ERICH3: variants seen among roughly 807,000 people sequenced by gnomAD.
ERICH3 encodes glutamate-rich protein 3.
ERICH3 carries 126 observed loss-of-function variants against 131.1 expected under a neutral mutation model. That is an observed-to-expected ratio of 0.96 (90% CI 0.83 to 1.11). The LOEUF (loss-of-function observed/expected upper bound fraction) is 1.11. ERICH3 is among the 50% of genes most tolerant of loss of function. ERICH3 has a pLI of 0.00. For missense variants in ERICH3, 2,050 were observed against 1,810.7 expected, an observed-to-expected ratio of 1.13 and a Z score of -2.40; for synonymous variants, 695 against 644.6, an observed-to-expected ratio of 1.08 and a Z score of -1.18.
At chr1:74,627,833 T>C (rs541253145) in intron 7 of ERICH3, among the ~76,000 whole-genome samples, 3 of 152,236 alleles carry the variant, frequency 2.0e-5, no homozygotes, top group South Asian at 2.1e-4. Flanking sequence ...AAAATGTATG[T>C]TATGAATGCA....
intron 1 of ERICH3, among the ~76,000 whole-genome samples, chr1:74,652,052 G>C (rs1442915834): frequency 1.3e-5 from 2 of 152,096 alleles, no homozygotes; most frequent in African/African-American, 4.8e-5. Context: ...TCTTGCTTGG[G>C]ATACCACTTG....
At chr1:74,661,503 A>G (rs1383413759) in intron 1 of ERICH3, among the ~76,000 whole-genome samples, 2 of 152,184 alleles carry the variant, frequency 1.3e-5, no homozygotes, top group East Asian at 3.9e-4. Flanking sequence ...GAATCTAAGA[A>G]GAGGTTGTCC....
rs1371285887 is a variant in ERICH3 at position 74,591,889 on chromosome 1, C to T, written c.1727-1809G>A. The T allele has an allele frequency of 4.6e-5, 7 of 152,162 alleles. No individual in the cohort carries two copies. In the East Asian group the frequency reaches 1.4e-3, roughly 29 times the overall value. 9.4% of individuals were successfully genotyped at this position (152,162 alleles called of 1,614,324 possible). On this transcript the variant is annotated intron_variant, in intron 11 of 14. Transcript: ENST00000326665. ...CTATTTTTTTGTTTTCTCTGTACTC[C>T]TTACTCTTTTTTTTGTTTCTTTATT...
rs563833222 is a variant in ERICH3 at position 74,636,723 on chromosome 1, C to T, written c.445-285G>A. Among the ~76,000 whole-genome samples, 17 of 152,310 alleles carry T rather than the reference C, an allele frequency of 1.1e-4. No individual in the cohort carries two copies. The South Asian group carries it at 3.5e-3, about 32-fold the overall frequency. On this transcript the variant is annotated intron_variant, in intron 5 of 14. Coordinates refer to ENST00000326665, the MANE Select transcript of ERICH3 (RefSeq NM_001002912.5). ...CCTGTATTTTCATTCATACTGCAAA[C>T]TTGCTGACAATAACTAATTTATGCT...
rs755547640 is a variant in ERICH3 at position 74,649,245 on chromosome 1, G to A, written c.94C>T (p.Arg32Cys). ...AGYFNNTRIRRHLLRSGLITR... is the reference protein window; with the variant it reads ...AGYFNNTRIRCHLLRSGLITR... ...ACCAGTCCTGATCTTAAGAGATGAC[G>A]CCTTATCCTTGTATTGTTAAAATAC... is the stretch of plus-strand genomic sequence containing the variant. Residue 32 changes from arginine (R) to cysteine (C), a missense_variant, in exon 2 of 15, where the codon CGT (arginine) becomes TGT (cysteine). Arg to Cys is a radical substitution (Grantham distance 180, BLOSUM62 -3). Transcript: ENST00000326665. The A allele has an allele frequency of 1.3e-5, 21 of 1,611,526 alleles. No individual in the cohort carries two copies. Among genetic ancestry groups the A allele is most frequent in the South Asian group, 5.5e-5 (5 of 90,840 alleles).
intron 7 of ERICH3, among the ~76,000 whole-genome samples, chr1:74,626,716 G>T (rs1180018428): frequency 6.6e-6 from 1 of 152,156 alleles, no homozygotes; most frequent in Admixed American, 6.6e-5. Context: ...AGTGCAAAAT[G>T]TAACTAGCCT....
intron 1 of ERICH3, among the ~76,000 whole-genome samples, chr1:74,650,432 A>C (rs538789192): frequency 6.6e-6 from 1 of 152,312 alleles, no homozygotes; most frequent in South Asian, 2.1e-4. Context: ...TACATGGTGC[A>C]TGCACATATA....
chr1:74,579,631 A>T lies in ERICH3; in HGVS notation c.2177-2695T>A, dbSNP rs186365249. On this transcript the variant is annotated intron_variant, in intron 12 of 14. Coordinates refer to ENST00000326665, the MANE Select transcript of ERICH3 (RefSeq NM_001002912.5). ...GCTTCACTTGGTCGTTTTTTCTCAGATGTTCTTCTGAAACTGAAACTTAAA... is the reference window on the plus strand; with the variant it reads ...GCTTCACTTGGTCGTTTTTTCTCAGTTGTTCTTCTGAAACTGAAACTTAAA... 9.1e-6 allele frequency: 9 copies of T among 985,384 alleles called. No homozygotes were observed. In the East Asian group the frequency reaches 5.7e-4, roughly 62 times the overall value. 61.0% of individuals were successfully genotyped at this position (985,384 alleles called of 1,614,324 possible).
chr1:74,650,202 A>T (rs1191283444), intron 1 of ERICH3, among the ~76,000 whole-genome samples: 1 of 152,182 alleles, frequency 6.6e-6, no homozygotes, highest in Non-Finnish European at 1.5e-5. Flanking sequence ...TTAATTTCAC[A>T]TCCAGCACCA....
At position 74,571,487 on chromosome 1, in the gene ERICH3, A is replaced by G; in HGVS notation, c.4223T>C (p.Leu1408Ser). The change falls in exon 14 of 15, where the codon TTA (leucine) becomes TCA (serine). Residue 1408 changes from leucine (L) to serine (S), a missense_variant. Transcript: ENST00000326665. ...AAAGKVVVEE[L>S]ARSGEEVPAA... is the part of the protein sequence containing the mutation. ...TGGCACTTCCTCCCCACTCCGTGCT[A>G]ATTCCTCTACCACCACCTTCCCTGC... 6.2e-7 allele frequency: 1 copy of G among 1,613,814 alleles called. No homozygotes were observed. Among genetic ancestry groups the G allele is most frequent in the Non-Finnish European group, 8.5e-7 (1 of 1,179,956 alleles).
At chr1:74,579,943 A>T (rs1460861552) in intron 12 of ERICH3, 1 of 930,722 alleles carries the variant, frequency 1.1e-6, no homozygotes, top group African/African-American at 1.8e-5. Flanking sequence ...TGATATAATG[A>T]TACTTTAAGG....
At chr1:74,670,525 A>G (rs1646731652) in intron 1 of ERICH3, among the ~76,000 whole-genome samples, 1 of 152,198 alleles carries the variant, frequency 6.6e-6, no homozygotes, top group Non-Finnish European at 1.5e-5. Context: ...TTTCATGAAC[A>G]TTTATCAGTT....
At chr1:74,590,696 G>A (rs1647551150) in intron 11 of ERICH3, among the ~76,000 whole-genome samples, 1 of 152,162 alleles carries the variant, frequency 6.6e-6, no homozygotes, top group African/African-American at 2.4e-5. Flanking sequence ...ACCTCCTGCT[G>A]TGCAGCCTGG....
intron 3 of ERICH3, 41 bp from the exon 4 acceptor site, chr1:74,643,139 T>G: frequency 6.6e-7 from 1 of 1,508,804 alleles, no homozygotes; most frequent in Non-Finnish European, 9.1e-7. Flanking sequence ...ATCATATCAG[T>G]TATAGCAAAG....
chr1:74,581,414 C>T lies in ERICH3; in HGVS notation c.2177-4478G>A, dbSNP rs540622033. Among the ~76,000 whole-genome samples the T allele has an allele frequency of 1.6e-3, 245 of 152,098 alleles. 5 individuals are homozygous for T. The highest frequency in any genetic ancestry group is 1.7e-3 in the Non-Finnish European group (114 of 67,986). ...GTGTGAGTGGGGTGGTTCTTTGAGG[C>T]TATAGTGAGAAATTGGTCACCTTAC... is the stretch of plus-strand genomic sequence containing the variant. On this transcript the variant is annotated intron_variant, in intron 12 of 14. Transcript: ENST00000326665.
chr1:74,628,920 T>G (rs1245049414), intron 7 of ERICH3, among the ~76,000 whole-genome samples: 1 of 152,058 alleles, frequency 6.6e-6, no homozygotes, highest in Non-Finnish European at 1.5e-5. Flanking sequence ...TGGATTTTCA[T>G]TATAACTCAA....
intron 10 of ERICH3, among the ~76,000 whole-genome samples, chr1:74,604,512 G>C (rs1312850400): frequency 6.6e-6 from 1 of 151,838 alleles, no homozygotes; most frequent in Non-Finnish European, 1.5e-5. Flanking sequence ...GGCAGCTATA[G>C]CCTTACAAAA....
At chr1:74,577,106 G>A (rs1011062169) in intron 12 of ERICH3, 170 bp from the exon 13 acceptor site, 2 of 573,796 alleles carry the variant, frequency 3.5e-6, no homozygotes, top group African/African-American at 3.8e-5. Flanking sequence ...TACCAGTATT[G>A]TATAATCTAA....
chr1:74,660,913 A>G (rs1412134358), intron 1 of ERICH3, among the ~76,000 whole-genome samples: 1 of 151,890 alleles, frequency 6.6e-6, no homozygotes, highest in Non-Finnish European at 1.5e-5. Context: ...ATTCTTTTCA[A>G]TGTGAATAGT....
Sources: allele counts gnomAD v4.1 joint callset (sites outside exome capture counted in the v4.1 genomes callset), GRCh38; gene constraint gnomAD v4.1.1; transcripts MANE v1.5; gene names NCBI Gene and HGNC (gene_info 2026-07-23, HGNC 2026-07-21).